The following RELN variants were observed in gnomAD, a reference collection of about 807,000 sequenced individuals.
The protein encoded by RELN is reelin.
A neutral mutation model predicts 427.6 loss-of-function variants in RELN; 108 were observed. The ratio of observed to expected loss-of-function variants is 0.25; its 90% CI spans 0.22 to 0.30. RELN has a LOEUF of 0.30. RELN is among the 10% of genes least tolerant of loss of function. The pLI is 1.00. For missense variants in RELN, 3,715 were observed against 4,302.8 expected (o/e 0.86, Z 3.82); for synonymous variants, 1,524 against 1,513.4 (o/e 1.01, Z -0.16).
intron 2 of RELN, among the ~76,000 whole-genome samples, chr7:103,871,113 T>C (rs1794322602): frequency 6.6e-6 from 1 of 152,132 alleles, no homozygotes; most frequent in Non-Finnish European, 1.5e-5. Flanking sequence ...AGATTGATTA[T>C]GGTGGGTTAT....
intron 1 of RELN, among the ~76,000 whole-genome samples, chr7:103,959,026 C>T (rs1269157607): frequency 1.3e-5 from 2 of 152,210 alleles, no homozygotes; most frequent in African/African-American, 2.4e-5. Context: ...ACTGGAACCT[C>T]TGCCTTCCAG....
chr7:103,767,021 G>A (rs189755396), intron 4 of RELN, among the ~76,000 whole-genome samples: 3 of 152,324 alleles, frequency 2.0e-5, no homozygotes, highest in African/African-American at 4.8e-5. Flanking sequence ...CTGCCATCTG[G>A]TCTTGCTAAA....
intron 2 of RELN, among the ~76,000 whole-genome samples, chr7:103,901,128 C>T (rs546680049): frequency 1.3e-5 from 2 of 151,956 alleles, no homozygotes; most frequent in South Asian, 2.1e-4. Context: ...AGAAGATGTA[C>T]GATGGTCAAT....
At chr7:103,540,081 T>G (rs1350620151) in intron 44 of RELN, 116 bp downstream of exon 44, 1 of 1,189,516 alleles carries the variant, frequency 8.4e-7, no homozygotes, top group African/African-American at 1.5e-5. Context: ...GGCAAGTCAC[T>G]CAACTGTCAG....
intron 51 of RELN, among the ~76,000 whole-genome samples, chr7:103,510,611 C>A (rs537983247): frequency 5.9e-5 from 9 of 152,022 alleles, no homozygotes; most frequent in Non-Finnish European, 8.8e-5. Flanking sequence ...GCACGTGTAT[C>A]CCAAAACTTA....
chr7:103,866,197 T>A (rs1794193456), intron 2 of RELN, among the ~76,000 whole-genome samples: 1 of 152,114 alleles, frequency 6.6e-6, no homozygotes, highest in African/African-American at 2.4e-5. Context: ...GTGCTGGAAA[T>A]GTGATAAGCT....
At chr7:103,864,225 T>A (rs963972417) in intron 2 of RELN, among the ~76,000 whole-genome samples, 24 of 152,224 alleles carry the variant, frequency 1.6e-4, no homozygotes, top group African/African-American at 5.5e-4. Flanking sequence ...TTCACACAGC[T>A]AGTGTCATCT....
chr7:103,492,805 G>A (rs1227647132), intron 57 of RELN, among the ~76,000 whole-genome samples: 1 of 152,132 alleles, frequency 6.6e-6, no homozygotes, highest in East Asian at 1.9e-4. Context: ...GGGTACATGC[G>A]AGCTGCCCCT....
At chr7:103,772,297 C>A (rs550978424) in intron 4 of RELN, among the ~76,000 whole-genome samples, 140 of 148,576 alleles carry the variant, frequency 9.4e-4, no homozygotes, top group African/African-American at 3.4e-3. Flanking sequence ...TGACAACATG[C>A]AATAAATAGT....
intron 51 of RELN, among the ~76,000 whole-genome samples, chr7:103,509,442 G>T (rs888817413): frequency 4.6e-5 from 7 of 152,130 alleles, no homozygotes; most frequent in South Asian, 2.1e-4. Context: ...GGGAAAACTG[G>T]CTAGCCATAT....
intron 2 of RELN, among the ~76,000 whole-genome samples, chr7:103,839,302 G>GGTTT (rs1793492405): frequency 1.3e-5 from 1 of 75,042 alleles, no homozygotes; most frequent in African/African-American, 4.9e-5. Flanking sequence ...AGTGGTCTTT[G>GGTTT]CTTTTTTTTT....
chr7:103,833,808 T>A (rs1204502916), intron 2 of RELN, 136 bp from the exon 3 acceptor site: 2 of 819,546 alleles, frequency 2.4e-6, no homozygotes, highest in African/African-American at 3.4e-5. Context: ...AGTTATGTAA[T>A]TTTTCACTTT....
intron 3 of RELN, among the ~76,000 whole-genome samples, chr7:103,811,433 A>G (rs1015242215): frequency 3.3e-5 from 5 of 152,234 alleles, no homozygotes; most frequent in Non-Finnish European, 5.9e-5. Flanking sequence ...TGAATTAAAC[A>G]TAAGTCCTGA....
intron 11 of RELN, among the ~76,000 whole-genome samples, chr7:103,669,478 G>A (rs1352445892): frequency 6.6e-6 from 1 of 152,056 alleles, no homozygotes; most frequent in African/African-American, 2.4e-5. Context: ...CAACTACTGG[G>A]GGACTTCAGG....
intron 1 of RELN, among the ~76,000 whole-genome samples, chr7:103,923,132 C>T (rs1354828588): frequency 6.6e-6 from 1 of 152,178 alleles, no homozygotes; most frequent in Non-Finnish European, 1.5e-5. Context: ...AAGAGAAATT[C>T]GTTTGCTTTT....
intron 1 of RELN, among the ~76,000 whole-genome samples, chr7:103,937,386 C>A (rs1796011009): frequency 6.6e-6 from 1 of 152,292 alleles, no homozygotes; most frequent in Non-Finnish European, 1.5e-5. Flanking sequence ...AACTTGATGC[C>A]TTTAGGCTGG....
intron 3 of RELN, among the ~76,000 whole-genome samples, chr7:103,797,324 C>G (rs568593051): frequency 6.6e-6 from 1 of 152,094 alleles, no homozygotes. Flanking sequence ...TAGGCGGTCT[C>G]GAACTCCCAA....
chr7:103,737,841 C>T (rs1382220592), intron 6 of RELN, among the ~76,000 whole-genome samples: 1 of 152,096 alleles, frequency 6.6e-6, no homozygotes, highest in East Asian at 1.9e-4. Flanking sequence ...CAATGCAATG[C>T]CAATCATGGC....
rs551986317 is a variant in RELN at position 103,637,022 on chromosome 7, G to T, written c.2070-554C>A. Among the ~76,000 whole-genome samples the T allele has an allele frequency of 1.4e-4, 21 of 152,252 alleles. No individual in the cohort carries two copies. The East Asian group carries it at 3.9e-3, about 28-fold the overall frequency. On this transcript the variant is annotated intron_variant, in intron 17 of 64. Transcript: ENST00000428762. ...TAGATGTCCTTAGCAGAACTGTGTT[G>T]CCTCTCAGTGGACTCTCCCAAATTA...
Sources: gnomAD v4.1 joint callset for allele counts (sites outside exome capture counted in the v4.1 genomes callset) on GRCh38, gnomAD v4.1.1 for gene constraint, MANE v1.5 for transcripts, NCBI Gene and HGNC (gene_info 2026-07-23, HGNC 2026-07-21) for gene names.